LRRC4C: variants seen among roughly 807,000 people sequenced by gnomAD.
LRRC4C encodes leucine rich repeat containing 4C.
Under a neutral mutation model 33.6 loss-of-function variants are expected in LRRC4C, and 5 were observed. The ratio of observed to expected loss-of-function variants is 0.15; its 90% CI spans 0.08 to 0.31. The LOEUF (loss-of-function observed/expected upper bound fraction) is 0.31, where lower values mean the gene tolerates loss of function less well. Ranked by LOEUF, LRRC4C falls within the 10% of genes least tolerant of loss-of-function variation. The pLI, the probability that LRRC4C is intolerant of heterozygous loss-of-function variation, is 1.00. For missense variants in LRRC4C, 560 were observed against 796.7 expected (o/e 0.70, Z 3.58); for synonymous variants, 329 against 302.0 (o/e 1.09, Z -0.93).
intron 2 of LRRC4C, among the ~76,000 whole-genome samples, chr11:40,728,625 C>CAA (rs60355454): frequency 0.048 from 2,400 of 50,218 alleles, 129 homozygotes; most frequent in Non-Finnish European, 0.057. Context: ...GACTCCGTCT[C>CAA]AAAAAAAAAA....
chr11:40,580,717 T>C (rs1262869245), intron 3 of LRRC4C, among the ~76,000 whole-genome samples: 2 of 152,212 alleles, frequency 1.3e-5, no homozygotes, highest in Non-Finnish European at 2.9e-5. Context: ...AGCTCATTAC[T>C]TGAAAAAGAA....
chr11:40,715,534 T>C (rs1178845283), intron 2 of LRRC4C, among the ~76,000 whole-genome samples: 3 of 152,222 alleles, frequency 2.0e-5, no homozygotes, highest in Admixed American at 6.5e-5. Context: ...GTAGAACTTG[T>C]ATTCCTAAGT....
At chr11:40,533,401 G>C (rs1051218507) in intron 3 of LRRC4C, among the ~76,000 whole-genome samples, 4 of 152,040 alleles carry the variant, frequency 2.6e-5, no homozygotes, top group African/African-American at 9.7e-5. Context: ...TCTTTTGGCA[G>C]CAACGCCAAT....
intron 2 of LRRC4C, among the ~76,000 whole-genome samples, chr11:40,768,265 A>G (rs1949575741): frequency 6.6e-6 from 1 of 152,026 alleles, no homozygotes; most frequent in African/African-American, 2.4e-5. Context: ...AGAGAACCAC[A>G]AAGAAATCTA....
At chr11:40,793,349 G>T (rs1037902006) in intron 2 of LRRC4C, among the ~76,000 whole-genome samples, 36 of 152,202 alleles carry the variant, frequency 2.4e-4, no homozygotes, top group Middle Eastern at 3.4e-3. Flanking sequence ...TGCCAATAAA[G>T]TTACCTCAGT....
rs567287085 is a variant in LRRC4C, at chr11:40,229,285, T to A, written c.-96+12234A>T. ...ACTTATGGTTAATATATATATATAT[T>A]TTTTTGAGATGGAGTCTCATTCCAT... On this transcript the variant is annotated intron_variant, in intron 5 of 6. Transcript: ENST00000528697. 4.1e-3 allele frequency among the ~76,000 whole-genome samples: 626 copies of A among 152,154 alleles called. 1 individual carries two copies. The highest frequency in any genetic ancestry group is 0.015 in the African/African-American group (602 of 41,504).
At chr11:41,282,569 C>T (rs1437564395) in intron 1 of LRRC4C, among the ~76,000 whole-genome samples, 1 of 152,172 alleles carries the variant, frequency 6.6e-6, no homozygotes, top group Non-Finnish European at 1.5e-5. Flanking sequence ...TGAAGACAGT[C>T]CTCCTCCTAA....
At chr11:41,133,004 T>C (rs1943085827) in intron 1 of LRRC4C, among the ~76,000 whole-genome samples, 1 of 152,206 alleles carries the variant, frequency 6.6e-6, no homozygotes. Flanking sequence ...CAATTTTTAA[T>C]GTCCTACCTC....
At chr11:41,051,520 CAAAAAAAAAAAAAAAA>C (rs530003573) in intron 1 of LRRC4C, among the ~76,000 whole-genome samples, 39 of 60,294 alleles carry the variant, frequency 6.5e-4, no homozygotes, top group East Asian at 2.2e-3. Flanking sequence ...GGTCTCAAGG[CAAAAAAAAAAAAAAAA>C]AAAAAAAAAA....
At chr11:41,354,571 T>G (rs1400852886) in intron 1 of LRRC4C, among the ~76,000 whole-genome samples, 4 of 151,962 alleles carry the variant, frequency 2.6e-5, no homozygotes, top group Non-Finnish European at 5.9e-5. Context: ...AAATAGCCAA[T>G]GTAATCCTAA....
At chr11:40,490,949 A>T (rs1954117813) in intron 3 of LRRC4C, among the ~76,000 whole-genome samples, 1 of 152,052 alleles carries the variant, frequency 6.6e-6, no homozygotes, top group African/African-American at 2.4e-5. Flanking sequence ...TACTTTAAGA[A>T]TGGGAAAAAT....
intron 3 of LRRC4C, among the ~76,000 whole-genome samples, chr11:40,448,720 G>A (rs191296463): frequency 6.6e-6 from 1 of 152,162 alleles, no homozygotes; most frequent in Non-Finnish European, 1.5e-5. Flanking sequence ...ATGTGTGCAT[G>A]TGTCTTTATA....
At chr11:40,311,492 C>T (rs548846771) in intron 4 of LRRC4C, among the ~76,000 whole-genome samples, 1 of 152,248 alleles carries the variant, frequency 6.6e-6, no homozygotes, top group African/African-American at 2.4e-5. Context: ...AAAATAAGAT[C>T]ACATACAAAT....
At chr11:40,121,565 AT>A (rs1287977743) in intron 6 of LRRC4C, among the ~76,000 whole-genome samples, 1 of 152,198 alleles carries the variant, frequency 6.6e-6, no homozygotes, top group Admixed American at 6.5e-5. Flanking sequence ...GACAGCATTT[AT>A]TTACATATGC....
At chr11:40,766,824 G>A (rs1267153809) in intron 2 of LRRC4C, among the ~76,000 whole-genome samples, 1 of 148,838 alleles carries the variant, frequency 6.7e-6, no homozygotes, top group Admixed American at 6.8e-5. Flanking sequence ...CATATGACCA[G>A]AGAAAATTAT....
At chr11:40,328,496 G>T (rs1322698500) in intron 3 of LRRC4C, among the ~76,000 whole-genome samples, 3 of 152,052 alleles carry the variant, frequency 2.0e-5, no homozygotes, top group Non-Finnish European at 4.4e-5. Context: ...AACTAAAGTT[G>T]TTGACAAGTT....
At chr11:41,222,870 G>T (rs906957966) in intron 1 of LRRC4C, 4 of 149,756 alleles carry the variant, frequency 2.7e-5, no homozygotes, top group Non-Finnish European at 4.4e-5. Context: ...TGCTGGTCCA[G>T]GCTGGGGTGT....
intron 3 of LRRC4C, among the ~76,000 whole-genome samples, chr11:40,362,311 T>C (rs192708648): frequency 6.1e-4 from 93 of 151,566 alleles, no homozygotes; most frequent in African/African-American, 2.2e-3. Context: ...AAACGATGAA[T>C]GGAGTAAACA....
intron 1 of LRRC4C, among the ~76,000 whole-genome samples, chr11:41,072,209 A>G (rs1938737019): frequency 7.0e-6 from 1 of 142,664 alleles, no homozygotes; most frequent in Non-Finnish European, 1.5e-5. Flanking sequence ...TGTGGATAAA[A>G]TGCTGTCAAA....
Sources: gnomAD v4.1 joint callset for allele counts (sites outside exome capture counted in the v4.1 genomes callset) on GRCh38, gnomAD v4.1.1 for gene constraint, MANE v1.5 for transcripts, NCBI Gene and HGNC (gene_info 2026-07-23, HGNC 2026-07-21) for gene names.